The following DNAH5 variants were observed in gnomAD, a reference collection of about 807,000 sequenced individuals.
DNAH5 encodes axonemal beta dynein heavy chain 5.
Under a neutral mutation model 518.2 loss-of-function variants are expected in DNAH5, and 372 were observed. The observed-to-expected ratio is 0.72, with a 90% CI of 0.66 to 0.78. The LOEUF is 0.78. DNAH5 is among the 30% of genes least tolerant of loss of function. The pLI is 0.00. For synonymous variants in DNAH5, 2,039 were observed against 2,025.9 expected, an observed-to-expected ratio of 1.01 and a Z score of -0.17; for missense variants, 5,523 against 5,687.0, an observed-to-expected ratio of 0.97 and a Z score of 0.93.
chr5:13,757,858 T>A (rs1039996581), intron 61 of DNAH5, among the ~76,000 whole-genome samples: 1 of 152,152 alleles, frequency 6.6e-6, no homozygotes, highest in Non-Finnish European at 1.5e-5. Context: ...AACTGAAATG[T>A]TTATCTAAAC....
At chr5:13,837,998 C>T (rs1764636375) in intron 35 of DNAH5, among the ~76,000 whole-genome samples, 1 of 152,010 alleles carries the variant, frequency 6.6e-6, no homozygotes, top group African/African-American at 2.4e-5. Flanking sequence ...GCCACCATGC[C>T]CAGTCCATTT....
At position 13,850,756 on chromosome 5, in the gene DNAH5, A is replaced by G. The variant is rs2151883846; in HGVS notation, c.5010T>C (p.His1670=). ...AGCACTGGACTACACTGGGCACTTC[A>G]TGTGCCCGAGTCATGATCTTCACCC... ...KSWVKIMTRA[H]EVPSVVQCCV... is the part of the protein sequence containing the mutation. The change falls in exon 31 of 79, where the codon CAT becomes CAC. Residue 1670 remains histidine (H), a synonymous_variant. Transcript: ENST00000265104. 8 of 1,614,142 alleles carry G rather than the reference A, an allele frequency of 5.0e-6. No homozygotes were observed. The highest frequency in any genetic ancestry group is 6.8e-6 in the Non-Finnish European group (8 of 1,180,012).
At chr5:13,732,437 G>A (rs1746729338) in intron 68 of DNAH5, among the ~76,000 whole-genome samples, 1 of 152,100 alleles carries the variant, frequency 6.6e-6, no homozygotes, top group Admixed American at 6.5e-5. Context: ...CGCAATCTCG[G>A]CTCACTGCAA....
chr5:13,959,561 T>C (rs1335202681), intron 1 of DNAH5, among the ~76,000 whole-genome samples: 6 of 152,264 alleles, frequency 3.9e-5, no homozygotes, highest in Admixed American at 3.9e-4. Context: ...GAGAAAAGGA[T>C]TGGGGCCACC....
intron 1 of DNAH5, among the ~76,000 whole-genome samples, chr5:13,999,591 T>C (rs1405637052): frequency 6.6e-6 from 1 of 152,264 alleles, no homozygotes; most frequent in Non-Finnish European, 1.5e-5. Flanking sequence ...CATTCATCTG[T>C]TGATGGACAT....
intron 68 of DNAH5, 71 bp downstream of exon 68, chr5:13,735,060 T>A: frequency 7.0e-7 from 1 of 1,431,876 alleles, no homozygotes; most frequent in Admixed American, 1.7e-5. Flanking sequence ...CCAAAAAATG[T>A]ACTGCAAAGG....
intron 1 of DNAH5, among the ~76,000 whole-genome samples, chr5:13,941,334 G>C (rs1256286924): frequency 2.6e-5 from 4 of 152,064 alleles, no homozygotes; most frequent in Admixed American, 2.6e-4. Flanking sequence ...GTCCAGCCAG[G>C]GTAACAGAGT....
In DNAH5 at chr5:13,913,807, T is replaced by C; in HGVS notation, c.1472A>G (p.Lys491Arg). The C allele has an allele frequency of 6.2e-7, 1 of 1,613,676 alleles. No homozygotes were observed. The highest frequency in any genetic ancestry group is 8.5e-7 in the Non-Finnish European group (1 of 1,179,620). Reference sequence around the variant, plus strand: ...GGAATCTTGCAGGACTGAATACGTCTTGAGGGTTGTAAAGATGTCTATTAT... The same window carrying C: ...GGAATCTTGCAGGACTGAATACGTCCTGAGGGTTGTAAAGATGTCTATTAT... ...AKIIDIFTTL[K>R]TYSVLQDSTI... Residue 491 changes from lysine (K) to arginine (R), a missense_variant, in exon 11 of 79, where the codon AAG becomes AGG. Around this residue, in one of 3 missense-constraint regions of DNAH5, gnomAD observed 5,121 missense variants for 5,223.3 expected, o/e 0.98. Transcript: ENST00000265104.
At chr5:13,960,159 CAA>C (rs971550835) in intron 1 of DNAH5, among the ~76,000 whole-genome samples, 2 of 150,696 alleles carry the variant, frequency 1.3e-5, no homozygotes, top group Non-Finnish European at 3.0e-5. Context: ...TAGCATGCTG[CAA>C]AAGTTCTTTC....
chr5:13,737,231 G>A (rs762602196), intron 66 of DNAH5, 21 bp downstream of exon 66: 5 of 1,613,452 alleles, frequency 3.1e-6, no homozygotes, highest in Non-Finnish European at 4.2e-6. Context: ...TGTGACATTT[G>A]TCTTTCATTA....
rs749552652 is a variant in DNAH5 at position 13,841,068 on chromosome 5, G to A, written c.5547C>T (p.Ala1849=). The change falls in exon 34 of 79, where the codon GCC becomes GCT. Residue 1849 remains alanine (A), a synonymous_variant. Coordinates refer to ENST00000265104, the MANE Select transcript of DNAH5 (RefSeq NM_001369.3). The part of the protein sequence containing the change: ...TRDSEEALRN[A]KFDKKIMQKT... Reference sequence around the variant, plus strand: ...TCTGCATGATTTTTTTATCAAACTTGGCATTTCTAAGGGCTTCTTCTGAAT... The same window carrying A: ...TCTGCATGATTTTTTTATCAAACTTAGCATTTCTAAGGGCTTCTTCTGAAT... 1.9e-6 allele frequency: 3 copies of A among 1,614,090 alleles called. No homozygotes were observed. The highest frequency in any genetic ancestry group is 2.2e-5 in the East Asian group (1 of 44,872).
At chr5:13,861,096 C>A (rs1181966241) in intron 29 of DNAH5, among the ~76,000 whole-genome samples, 1 of 152,116 alleles carries the variant, frequency 6.6e-6, no homozygotes. Flanking sequence ...AAAAATACTC[C>A]TCCCAATAAC....
At chr5:13,865,543 G>T in intron 27 of DNAH5, 125 bp downstream of exon 27, 1 of 760,120 alleles carries the variant, frequency 1.3e-6, no homozygotes, top group Non-Finnish European at 2.4e-6. Flanking sequence ...GATGTCAATG[G>T]ACAAGAACAA....
At chr5:13,933,768 T>TGACA (rs1778642932) in intron 1 of DNAH5, among the ~76,000 whole-genome samples, 1 of 125,962 alleles carries the variant, frequency 7.9e-6, no homozygotes, top group Non-Finnish European at 1.6e-5. Flanking sequence ...CCAGCCTGGA[T>TGACA]GACAGAGTGA....
At chr5:13,701,459 A>C (rs1222875121) in intron 76 of DNAH5, 23 bp from the exon 77 acceptor site, 23 of 1,597,716 alleles carry the variant, frequency 1.4e-5, no homozygotes, top group Non-Finnish European at 2.0e-5. Context: ...CATTAAAACA[A>C]TTAATTGATG....
chr5:13,911,176 T>C (rs568132776), intron 12 of DNAH5, among the ~76,000 whole-genome samples: 1 of 152,362 alleles, frequency 6.6e-6, no homozygotes, highest in African/African-American at 2.4e-5. Context: ...ATACACATCA[T>C]TAGCCAAAGC....
At chr5:13,866,968 T>C (rs797055) in intron 25 of DNAH5, among the ~76,000 whole-genome samples, 137,419 of 152,182 alleles carry the variant, frequency 0.9, 62,142 homozygotes, top group East Asian at 0.95. Flanking sequence ...GGGCAAGGCT[T>C]GATCTGTCTT....
At chr5:13,871,466 C>CTT in intron 23 of DNAH5, 98 bp downstream of exon 23, 2 of 1,126,766 alleles carry the variant, frequency 1.8e-6, no homozygotes, top group Non-Finnish European at 2.6e-6. Flanking sequence ...TAAAGTCAAT[C>CTT]TTTAAGACAG....
At chr5:13,693,516 T>C (rs917223835) in intron 78 of DNAH5, among the ~76,000 whole-genome samples, 1 of 152,204 alleles carries the variant, frequency 6.6e-6, no homozygotes, top group Non-Finnish European at 1.5e-5. Context: ...AGTTTCAATA[T>C]AAAATAAATA....
Sources: allele counts gnomAD v4.1 joint callset (sites outside exome capture counted in the v4.1 genomes callset), GRCh38; gene constraint gnomAD v4.1.1; regional missense constraint gnomAD v4.1.1; transcripts MANE v1.5; gene names NCBI Gene and HGNC (gene_info 2026-07-23, HGNC 2026-07-21).